The following ADAMTSL1 variants were observed in gnomAD, a reference collection of about 807,000 sequenced individuals.
ADAMTSL1 encodes the protein ADAMTS like 1.
Under a neutral mutation model 201.8 loss-of-function variants are expected in ADAMTSL1, and 126 were observed. The observed-to-expected ratio is 0.62, with a 90% CI of 0.54 to 0.72. The LOEUF (loss-of-function observed/expected upper bound fraction) is 0.72, where lower values mean the gene tolerates loss of function less well. ADAMTSL1 is among the 30% of genes least tolerant of loss of function. The pLI is 0.00. For synonymous variants in ADAMTSL1, 1,121 were observed against 903.4 expected, an observed-to-expected ratio of 1.24 and a Z score of -4.32; for missense variants, 2,679 against 2,277.8, an observed-to-expected ratio of 1.18 and a Z score of -3.59.
chr9:18,606,741 C>T lies in ADAMTSL1; in HGVS notation c.475-15502C>T, dbSNP rs561127911. On this transcript the variant is annotated intron_variant, in intron 4 of 28. Coordinates refer to ENST00000380548, the MANE Select transcript of ADAMTSL1 (RefSeq NM_001040272.6). The stretch of plus-strand genomic sequence containing the variant: ...GACAGGACTTGATCCACACACCGTA[C>T]TTCATAAACACCACAATTCCTTCCC... Among the ~76,000 whole-genome samples the T allele has an allele frequency of 3.2e-4, 49 of 152,302 alleles. 1 individual carries two copies. In the South Asian group the frequency reaches 0.01, roughly 32 times the overall value.
At chr9:17,937,932 A>C (rs1209677164) in intron 1 of ADAMTSL1, among the ~76,000 whole-genome samples, 1 of 152,176 alleles carries the variant, frequency 6.6e-6, no homozygotes, top group African/African-American at 2.4e-5. Flanking sequence ...AAGTAACAGA[A>C]GTATGAGGAG....
At chr9:18,901,148 TA>T (rs1554661484) in intron 26 of ADAMTSL1, among the ~76,000 whole-genome samples, 114 of 143,006 alleles carry the variant, frequency 8.0e-4, no homozygotes, top group Middle Eastern at 3.5e-3. Context: ...TTTCTTTATT[TA>T]AAAAAAAAAA....
chr9:18,194,849 C>T (rs1222958711), intron 2 of ADAMTSL1, among the ~76,000 whole-genome samples: 2 of 152,052 alleles, frequency 1.3e-5, no homozygotes, highest in Non-Finnish European at 2.9e-5. Context: ...TATTCCTGGC[C>T]AAGTCTGCAT....
At chr9:18,213,864 C>T (rs1665414207) in intron 2 of ADAMTSL1, among the ~76,000 whole-genome samples, 1 of 152,016 alleles carries the variant, frequency 6.6e-6, no homozygotes, top group African/African-American at 2.4e-5. Flanking sequence ...CTCAGCCTCC[C>T]GAGTAGCTGG....
intron 2 of ADAMTSL1, among the ~76,000 whole-genome samples, chr9:18,341,550 C>T (rs945780567): frequency 6.6e-6 from 1 of 152,120 alleles, no homozygotes; most frequent in African/African-American, 2.4e-5. Context: ...CTTTTGACTT[C>T]CTATATGATG....
At chr9:18,246,757 C>T (rs1587390307) in intron 2 of ADAMTSL1, among the ~76,000 whole-genome samples, 2 of 152,282 alleles carry the variant, frequency 1.3e-5, no homozygotes, top group East Asian at 3.9e-4. Flanking sequence ...TACACATACA[C>T]ACATGCACAT....
chr9:18,400,976 A>G (rs1817963231), intron 2 of ADAMTSL1, among the ~76,000 whole-genome samples: 1 of 152,202 alleles, frequency 6.6e-6, no homozygotes, highest in Non-Finnish European at 1.5e-5. Flanking sequence ...CCCTAAGTTT[A>G]AATTTTCCTT....
At chr9:18,098,037 T>G (rs1824331918) in intron 1 of ADAMTSL1, among the ~76,000 whole-genome samples, 1 of 152,062 alleles carries the variant, frequency 6.6e-6, no homozygotes, top group African/African-American at 2.4e-5. Context: ...GGCTTATTTT[T>G]TTTCCAGATT....
intron 15 of ADAMTSL1, among the ~76,000 whole-genome samples, chr9:18,734,315 CTG>C (rs1487175479): frequency 4.6e-5 from 7 of 152,184 alleles, no homozygotes; most frequent in African/African-American, 1.4e-4. Context: ...CTTTAGAAAA[CTG>C]TGTTCTCACC....
chr9:18,368,585 AT>A (rs1315064289), intron 2 of ADAMTSL1, among the ~76,000 whole-genome samples: 1 of 152,234 alleles, frequency 6.6e-6, no homozygotes, highest in African/African-American at 2.4e-5. Flanking sequence ...TAGTGGCAGG[AT>A]TGGAGTGTAG....
chr9:18,387,535 A>T (rs1837854249), intron 2 of ADAMTSL1, among the ~76,000 whole-genome samples: 1 of 152,146 alleles, frequency 6.6e-6, no homozygotes, highest in Admixed American at 6.5e-5. Context: ...TTAATGTTAC[A>T]TTTTTAAAAT....
At chr9:18,041,044 G>T (rs997641142) in intron 1 of ADAMTSL1, among the ~76,000 whole-genome samples, 6 of 152,120 alleles carry the variant, frequency 3.9e-5, no homozygotes, top group African/African-American at 1.4e-4. Flanking sequence ...CACTAGGGGG[G>T]CAATAGTGAT....
intron 2 of ADAMTSL1, among the ~76,000 whole-genome samples, chr9:18,229,076 G>A (rs1830544770): frequency 1.3e-5 from 2 of 152,138 alleles, no homozygotes; most frequent in South Asian, 4.1e-4. Context: ...TATTTGCATA[G>A]GATGGAGAAG....
At chr9:18,621,555 TCCACACACACACACACACAC>T (rs1826033487) in intron 4 of ADAMTSL1, among the ~76,000 whole-genome samples, 1 of 82,490 alleles carries the variant, frequency 1.2e-5, no homozygotes, top group African/African-American at 4.2e-5. Context: ...ACCGTCCTCT[TCCACACACACACACACACAC>T]ACACACACAC....
intron 1 of ADAMTSL1, among the ~76,000 whole-genome samples, chr9:18,112,487 T>G (rs529261879): frequency 0.012 from 1,670 of 136,936 alleles, 26 homozygotes; most frequent in African/African-American, 0.047. Context: ...TTTTTTTGGG[T>G]TTTTTTTTTT....
At chr9:18,424,317 CG>C (rs973959636) in intron 2 of ADAMTSL1, among the ~76,000 whole-genome samples, 5 of 152,102 alleles carry the variant, frequency 3.3e-5, no homozygotes, top group African/African-American at 1.2e-4. Flanking sequence ...GTGCAATGTC[CG>C]GGGACACATT....
intron 1 of ADAMTSL1, among the ~76,000 whole-genome samples, chr9:18,015,585 A>G (rs112352520): frequency 3.1e-3 from 474 of 152,162 alleles, no homozygotes; most frequent in African/African-American, 0.011. Context: ...GCTATGACCT[A>G]GTCAGGTGGG....
intron 16 of ADAMTSL1, among the ~76,000 whole-genome samples, chr9:18,754,616 C>T (rs1462049929): frequency 6.6e-6 from 1 of 152,208 alleles, no homozygotes; most frequent in Non-Finnish European, 1.5e-5. Context: ...CTCCCATTTC[C>T]AGGCAGCCAC....
intron 2 of ADAMTSL1, among the ~76,000 whole-genome samples, chr9:18,274,457 A>G (rs895211390): frequency 2.0e-5 from 3 of 152,196 alleles, no homozygotes; most frequent in Non-Finnish European, 4.4e-5. Flanking sequence ...AATTGATTAT[A>G]TCCTCATGAA....
Sources: allele counts gnomAD v4.1 joint callset (sites outside exome capture counted in the v4.1 genomes callset), GRCh38; gene constraint gnomAD v4.1.1; transcripts MANE v1.5; gene names NCBI Gene and HGNC (gene_info 2026-07-23, HGNC 2026-07-21).